PRKAR1A: variants seen among roughly 807,000 people sequenced by gnomAD.
The protein encoded by PRKAR1A is protein kinase cAMP-dependent type I regulatory subunit alpha.
Under a neutral mutation model 52.0 loss-of-function variants are expected in PRKAR1A, and 3 were observed. The observed-to-expected ratio is 0.06, with a 90% CI of 0.03 to 0.15. PRKAR1A has a LOEUF of 0.15. Among genes scored for constraint, PRKAR1A ranks in the 10% least tolerant of loss-of-function variants. The pLI, the probability that PRKAR1A is intolerant of heterozygous loss-of-function variation, is 1.00. For missense variants in PRKAR1A, 240 were observed against 477.4 expected (o/e 0.50, Z 4.63); for synonymous variants, 188 against 168.4 (o/e 1.12, Z -0.90).
chr17:68,511,052 T>C (rs1327387902), upstream of PRKAR1A, among the ~76,000 whole-genome samples: 1 of 152,250 alleles, frequency 6.6e-6, no homozygotes, highest in African/African-American at 2.4e-5. Flanking sequence ...ATATTATCAT[T>C]TCAATCTGGA....
rs2085980632 is a variant in PRKAR1A at position 68,531,718 on chromosome 17, CTTT to C, written c.*1273_*1275del. On this transcript the variant is annotated 3_prime_UTR_variant, in exon 11 of 11. Transcript: ENST00000589228. ...TCTCTGGCAAACTTTTCTTTCTTTT[CTTT>C]TTTAAAGTAAACTTGTGTATTGAGT... 2.8e-6 allele frequency: 3 copies of C among 1,061,194 alleles called. No individual in the cohort carries two copies. The South Asian group carries it at 1.4e-4, about 49-fold the overall frequency. 65.7% of individuals were successfully genotyped at this position (1,061,194 alleles called of 1,614,324 possible).
At chr17:68,438,185 G>C in the PRKAR1A span, among the ~76,000 whole-genome samples, 11 of 152,264 alleles carry the variant, frequency 7.2e-5, no homozygotes, top group Admixed American at 2.0e-4. Flanking sequence ...CTTATCACTT[G>C]CCATGCATAG....
chr17:68,448,404 G>C, the PRKAR1A span: 2 of 152,208 alleles, frequency 1.3e-5, no homozygotes, highest in Non-Finnish European at 2.9e-5. Flanking sequence ...TCCGACGTTA[G>C]ATCTTGGTTC....
the PRKAR1A span, chr17:68,444,603 G>C: frequency 6.2e-7 from 1 of 1,606,148 alleles, no homozygotes; most frequent in Non-Finnish European, 8.5e-7. Context: ...TAATCACACA[G>C]ACTTATCAGT....
chr17:68,472,476 G>C, the PRKAR1A span, among the ~76,000 whole-genome samples: 1 of 152,160 alleles, frequency 6.6e-6, no homozygotes, highest in Non-Finnish European at 1.5e-5. Flanking sequence ...GTGCAAAATG[G>C]AAACGTAGGG....
the PRKAR1A span, among the ~76,000 whole-genome samples, chr17:68,499,117 C>T: frequency 6.6e-6 from 1 of 152,192 alleles, no homozygotes; most frequent in African/African-American, 2.4e-5. Context: ...CAGAAGATCT[C>T]TCCATGTGTT....
chr17:68,419,712 C>T, the PRKAR1A span, among the ~76,000 whole-genome samples: 1 of 151,774 alleles, frequency 6.6e-6, no homozygotes, highest in Non-Finnish European at 1.5e-5. Context: ...ATAATCCCAG[C>T]ATTTTGGGAG....
At chr17:68,549,687 G>A (rs182011813) in intron 11 of PRKAR1A, among the ~76,000 whole-genome samples, 68 of 152,198 alleles carry the variant, frequency 4.5e-4, no homozygotes, top group African/African-American at 1.5e-3. Flanking sequence ...TGTCTTTTGA[G>A]TATATATTAT....
chr17:68,516,693 T>C (rs918190347), intron 2 of PRKAR1A, among the ~76,000 whole-genome samples: 2 of 151,776 alleles, frequency 1.3e-5, no homozygotes, highest in African/African-American at 2.4e-5. Context: ...AAACTGATTG[T>C]TAAAATTTGT....
the PRKAR1A span, among the ~76,000 whole-genome samples, chr17:68,414,629 A>G: frequency 6.6e-6 from 1 of 152,088 alleles, no homozygotes; most frequent in Non-Finnish European, 1.5e-5. Flanking sequence ...TGTCTGGTGG[A>G]ATTCTGCTGT....
chr17:68,512,080 C>G (rs1244673288), upstream of PRKAR1A: 1 of 153,596 alleles, frequency 6.5e-6, no homozygotes, highest in East Asian at 1.9e-4. Flanking sequence ...GATAGCTGCG[C>G]GGAGAGAGAG....
At chr17:68,488,877 T>C in the PRKAR1A span, among the ~76,000 whole-genome samples, 2 of 151,976 alleles carry the variant, frequency 1.3e-5, no homozygotes, top group African/African-American at 4.8e-5. Context: ...GGCTCCCTGG[T>C]GGATATGGTG....
At position 68,525,919 on chromosome 17, in the gene PRKAR1A, G is replaced by T; in HGVS notation, c.708+7G>T. On this transcript the variant is annotated splice_region_variant and intron_variant, in intron 7 of 10. Coordinates refer to ENST00000589228, the MANE Select transcript of PRKAR1A (RefSeq NM_002734.5). ...CTATAGAAGAATCCTCATGGTAAGA[G>T]ACCATGGTGTTTGAGAGTGTGATTT... 1.2e-6 allele frequency: 2 copies of T among 1,613,424 alleles called. No homozygotes were observed. The highest frequency in any genetic ancestry group is 1.7e-6 in the Non-Finnish European group (2 of 1,179,642).
chr17:68,444,674 G>A, the PRKAR1A span: 7 of 1,119,466 alleles, frequency 6.3e-6, no homozygotes, highest in Non-Finnish European at 9.0e-6. Flanking sequence ...TTTCATATGA[G>A]TCCTAACTTG....
chr17:68,471,221 CA>C, the PRKAR1A span, among the ~76,000 whole-genome samples: 380 of 152,194 alleles, frequency 2.5e-3, 1 homozygote, highest in Non-Finnish European at 3.6e-3. Context: ...CAATACTATG[CA>C]GTCATTAAAA....
chr17:68,437,191 G>A, the PRKAR1A span, among the ~76,000 whole-genome samples: 3 of 152,104 alleles, frequency 2.0e-5, no homozygotes, highest in Non-Finnish European at 4.4e-5. Context: ...TCTTTCTGCA[G>A]ATGATTATAT....
chr17:68,535,811 T>C (rs1292760070), downstream of PRKAR1A: 5 of 454,034 alleles, frequency 1.1e-5, no homozygotes, highest in East Asian at 3.5e-4. Context: ...CCAGCTGATT[T>C]TTTTTTTAAG....
At chr17:68,462,436 C>T in the PRKAR1A span, among the ~76,000 whole-genome samples, 1 of 152,124 alleles carries the variant, frequency 6.6e-6, no homozygotes, top group Non-Finnish European at 1.5e-5. Flanking sequence ...AGCAGGTCAG[C>T]CAATCACCCT....
chr17:68,433,552 A>G, the PRKAR1A span: 4 of 1,613,868 alleles, frequency 2.5e-6, no homozygotes, highest in African/African-American at 2.7e-5. Flanking sequence ...CATACTGAAC[A>G]CTAGAGAGCT....
Sources: gnomAD v4.1 joint callset for allele counts (sites outside exome capture counted in the v4.1 genomes callset) on GRCh38, gnomAD v4.1.1 for gene constraint, MANE v1.5 for transcripts, NCBI Gene and HGNC (gene_info 2026-07-23, HGNC 2026-07-21) for gene names.